Variants in TBL1XR1 observed in about 807,000 individuals in gnomAD.
The protein encoded by TBL1XR1 is TBL1X/Y related 1, also known as F-box-like/WD repeat-containing protein TBL1XR1.
In TBL1XR1, 5 loss-of-function variants were observed where a neutral mutation model predicts 66.9. The observed-to-expected ratio is 0.07, with a 90% CI of 0.04 to 0.16. TBL1XR1 has a LOEUF of 0.16. Among genes scored for constraint, TBL1XR1 ranks in the 10% least tolerant of loss-of-function variants. The probability of loss-of-function intolerance (pLI) is 1.00; values close to 1 mark genes in which losing one functional copy is unlikely to be tolerated. For synonymous variants in TBL1XR1, 210 were observed against 206.0 expected (o/e 1.02, Z -0.17); for missense variants, 238 against 623.2 (o/e 0.38, Z 6.58).
At position 177,187,287 on chromosome 3, in the gene TBL1XR1, G is replaced by A. The variant is rs564100169; in HGVS notation, c.-122+9834C>T. Among the ~76,000 whole-genome samples the A allele has an allele frequency of 1.0e-4, 15 of 150,676 alleles. 1 individual carries two copies. In the South Asian group the frequency reaches 1.7e-3, roughly 17 times the overall value. ...CGGGCGCCTGCAATCCCAGCTGCTC[G>A]GGAGACTGAGGCAGGGAGAATCGCT... On this transcript the variant is annotated intron_variant, in intron 1 of 15. Transcript: ENST00000457928.
intron 1 of TBL1XR1, among the ~76,000 whole-genome samples, chr3:177,102,315 AT>A (rs1298219565): frequency 6.6e-6 from 1 of 152,346 alleles, no homozygotes; most frequent in Admixed American, 6.5e-5. Flanking sequence ...GTGAATAAAT[AT>A]GTGAAAAATG....
chr3:177,047,309 TC>T lies in TBL1XR1; in HGVS notation c.854del (p.Gly285GlufsTer2). On this transcript the variant is annotated frameshift_variant, in exon 9 of 16. Coordinates refer to ENST00000457928, the MANE Select transcript of TBL1XR1 (RefSeq NM_024665.7). LOFTEE classifies it high-confidence loss of function. ...CTTAATGAGCTTTTACCTTGTCTAC[TC>T]CAGCACTTAGGATGAAATTTCCTTT... is the stretch of plus-strand genomic sequence containing the variant. ...NKKGNFILSA[G>X]VDKTTIIWDA... 1.3e-6 allele frequency: 2 copies of T among 1,560,366 alleles called. No homozygotes were observed. The highest frequency in any genetic ancestry group is 8.7e-7 in the Non-Finnish European group (1 of 1,151,046).
chr3:177,184,980 A>G (rs1410445255), intron 1 of TBL1XR1, among the ~76,000 whole-genome samples: 1 of 152,242 alleles, frequency 6.6e-6, no homozygotes, highest in Non-Finnish European at 1.5e-5. Flanking sequence ...AAAGCACAGG[A>G]GAAATTAACA....
intron 2 of TBL1XR1, among the ~76,000 whole-genome samples, chr3:177,085,041 A>C (rs1461987617): frequency 6.6e-6 from 1 of 152,188 alleles, no homozygotes; most frequent in Admixed American, 6.5e-5. Flanking sequence ...AGCTAGATTG[A>C]GCCAGTTTCT....
chr3:177,054,293 A>AGAG (rs1553817984), intron 3 of TBL1XR1, among the ~76,000 whole-genome samples: 1 of 151,868 alleles, frequency 6.6e-6, no homozygotes, highest in African/African-American at 2.4e-5. Context: ...AATCAGGCCA[A>AGAG]GACAGATTAA....
At chr3:177,117,886 C>A (rs1726501283) in intron 1 of TBL1XR1, among the ~76,000 whole-genome samples, 1 of 152,128 alleles carries the variant, frequency 6.6e-6, no homozygotes, top group Non-Finnish European at 1.5e-5. Flanking sequence ...TGAATGTCAA[C>A]CAATAACCAC....
At chr3:177,073,665 T>C (rs1033715410) in intron 2 of TBL1XR1, among the ~76,000 whole-genome samples, 6 of 152,288 alleles carry the variant, frequency 3.9e-5, no homozygotes, top group African/African-American at 9.6e-5. Flanking sequence ...CTTAACACTG[T>C]AGCAATATAG....
rs570775804 is a variant in TBL1XR1 at position 177,158,410 on chromosome 3, G to A, written c.-122+38711C>T. Among the ~76,000 whole-genome samples, 6 of 151,912 alleles carry A rather than the reference G, an allele frequency of 3.9e-5. No homozygotes were observed. In the South Asian group the frequency reaches 1.2e-3, roughly 32 times the overall value. On this transcript the variant is annotated intron_variant, in intron 1 of 15. Transcript: ENST00000457928. ...TGCCCAGCTAATTTTTGTATTTTTA[G>A]TAGACACGGAGTTTCACCATGTTGG...
At chr3:177,119,589 C>T (rs2108752137) in intron 1 of TBL1XR1, among the ~76,000 whole-genome samples, 1 of 152,270 alleles carries the variant, frequency 6.6e-6, no homozygotes, top group African/African-American at 2.4e-5. Flanking sequence ...TTGAAATTTG[C>T]TGAACAAACA....
chr3:177,031,578 G>A (rs771278394), intron 14 of TBL1XR1, among the ~76,000 whole-genome samples: 16 of 149,916 alleles, frequency 1.1e-4, no homozygotes, highest in Non-Finnish European at 1.6e-4. Context: ...AGAACTGCCC[G>A]CCTTGGCCTC....
At chr3:177,109,447 T>C (rs1725290802) in intron 1 of TBL1XR1, among the ~76,000 whole-genome samples, 1 of 152,114 alleles carries the variant, frequency 6.6e-6, no homozygotes, top group South Asian at 2.1e-4. Context: ...TTTGGGATGA[T>C]TGTAAGATTT....
At chr3:177,029,763 GA>G (rs1411445452) in intron 14 of TBL1XR1, among the ~76,000 whole-genome samples, 1 of 152,136 alleles carries the variant, frequency 6.6e-6, no homozygotes, top group Non-Finnish European at 1.5e-5. Context: ...AATGCATAAT[GA>G]ACACTAATCA....
intron 1 of TBL1XR1, among the ~76,000 whole-genome samples, chr3:177,181,219 G>A (rs1734781746): frequency 6.6e-6 from 1 of 152,060 alleles, no homozygotes; most frequent in Admixed American, 6.6e-5. Flanking sequence ...AACTGGCGCA[G>A]GTGTAATCTC....
intron 3 of TBL1XR1, among the ~76,000 whole-genome samples, chr3:177,057,143 A>G (rs1322302567): frequency 6.6e-6 from 1 of 152,166 alleles, no homozygotes; most frequent in Non-Finnish European, 1.5e-5. Flanking sequence ...AATAAATTCA[A>G]GTGGTGGCAA....
At chr3:177,098,786 T>A (rs1723823962) in intron 1 of TBL1XR1, among the ~76,000 whole-genome samples, 1 of 152,168 alleles carries the variant, frequency 6.6e-6, no homozygotes. Context: ...AAGAGATTCA[T>A]CTGCACACAA....
At chr3:177,025,600 C>A in intron 15 of TBL1XR1, 76 bp from the exon 16 acceptor site, 2 of 1,392,164 alleles carry the variant, frequency 1.4e-6, no homozygotes, top group South Asian at 1.2e-5. Context: ...TTCTATAGTA[C>A]AATTTGAAAT....
upstream of TBL1XR1, chr3:177,197,530 G>A (rs1300983134): frequency 1.3e-5 from 2 of 154,384 alleles, no homozygotes; most frequent in African/African-American, 2.4e-5. Context: ...AGAGGAATGG[G>A]GACCAGCCAG....
At chr3:177,169,027 T>C (rs1051913671) in intron 1 of TBL1XR1, among the ~76,000 whole-genome samples, 1 of 152,162 alleles carries the variant, frequency 6.6e-6, no homozygotes, top group Non-Finnish European at 1.5e-5. Context: ...CTTGAATCCC[T>C]AAAGCTTGAC....
intron 1 of TBL1XR1, among the ~76,000 whole-genome samples, chr3:177,112,106 TA>T (rs1386281560): frequency 0.033 from 1,871 of 56,894 alleles, 54 homozygotes; most frequent in Non-Finnish European, 0.043. Flanking sequence ...TATATATATA[TA>T]TTTTTTTTTT....
Sources: gnomAD v4.1 joint callset for allele counts (sites outside exome capture counted in the v4.1 genomes callset) on GRCh38, gnomAD v4.1.1 for gene constraint, MANE v1.5 for transcripts, NCBI Gene and HGNC (gene_info 2026-07-23, HGNC 2026-07-21) for gene names.